The following CMC2 variants were observed in gnomAD, a reference collection of about 807,000 sequenced individuals.
CMC2 encodes the protein C-X9-C motif containing 2, also known as COX assembly mitochondrial protein 2 homolog.
Under a neutral mutation model 7.5 loss-of-function variants are expected in CMC2, and 5 were observed. The ratio of observed to expected loss-of-function variants is 0.66; its 90% CI spans 0.35 to 1.40. The LOEUF is 1.40. Among genes scored for constraint, CMC2 ranks in the 40% most tolerant of loss-of-function variants. The pLI is 0.04. For synonymous variants in CMC2, 37 were observed against 31.4 expected (o/e 1.18, Z -0.60); for missense variants, 115 against 92.3 (o/e 1.25, Z -1.01).
In CMC2 at chr16:80,981,863, T is replaced by A. The variant is rs1199654148; in HGVS notation, c.96A>T (p.Lys32Asn). The change falls in exon 3 of 4, where the codon AAA (lysine) becomes AAT (asparagine). Residue 32 changes from lysine to asparagine, a missense_variant. Coordinates refer to ENST00000219400, the MANE Select transcript of CMC2 (RefSeq NM_020188.5). The stretch of plus-strand genomic sequence containing the variant: ...CAACATCATTACAATAACCAAAAAA[T>A]TTCAGAATGTTGTGCTAAAAGGAAG... ...KECHKNHNIL[K>N]FFGYCNDVDR... 1 of 1,608,746 alleles carries A rather than the reference T, an allele frequency of 6.2e-7. No individual in the cohort carries two copies.
intron 3 of CMC2, 22 bp from the exon 4 acceptor site, chr16:80,976,201 G>A: frequency 2.9e-6 from 4 of 1,369,318 alleles, no homozygotes; most frequent in South Asian, 1.2e-5. Context: ...AAGAAGGGGG[G>A]GAGAAAAGAA....
chr16:80,979,172 T>G (rs1966912933), intron 3 of CMC2, among the ~76,000 whole-genome samples: 1 of 151,956 alleles, frequency 6.6e-6, no homozygotes, highest in Non-Finnish European at 1.5e-5. Flanking sequence ...AAGCAAGCAT[T>G]AAGAGTAGAG....
chr16:81,006,068 C>T (rs1019198162), intron 1 of CMC2, among the ~76,000 whole-genome samples: 3 of 152,108 alleles, frequency 2.0e-5, no homozygotes, highest in African/African-American at 7.2e-5. Flanking sequence ...CCTTTGCCAT[C>T]GAAAACTTCC....
chr16:80,992,614 T>C (rs1000567662), intron 2 of CMC2, among the ~76,000 whole-genome samples: 5 of 152,138 alleles, frequency 3.3e-5, no homozygotes, highest in African/African-American at 1.2e-4. Flanking sequence ...CATCTTCTCA[T>C]GTTTAAAGGC....
chr16:80,993,421 G>T (rs541770158), intron 2 of CMC2, among the ~76,000 whole-genome samples: 1 of 152,272 alleles, frequency 6.6e-6, no homozygotes, highest in Admixed American at 6.5e-5. Context: ...GGGGCAGCCG[G>T]AATTTGTGAG....
chr16:80,990,336 A>T (rs888496103), intron 2 of CMC2, among the ~76,000 whole-genome samples: 3 of 151,992 alleles, frequency 2.0e-5, no homozygotes, highest in African/African-American at 7.3e-5. Flanking sequence ...ACGCACAGCT[A>T]ATTTTTTATT....
At chr16:80,995,392 A>T (rs1968329128) in intron 2 of CMC2, among the ~76,000 whole-genome samples, 1 of 151,744 alleles carries the variant, frequency 6.6e-6, no homozygotes, top group South Asian at 2.1e-4. Context: ...GCAGTGGCTC[A>T]TGCCTGTAAT....
At position 80,986,554 on chromosome 16, in the gene CMC2, C is replaced by T. The variant is rs559655608; in HGVS notation, c.82-4677G>A. 8.0e-4 allele frequency among the ~76,000 whole-genome samples: 121 copies of T among 152,178 alleles called. 2 individuals carry two copies. In the South Asian group the frequency reaches 0.011, roughly 14 times the overall value. ...ATTTAAACAAAAAAGAAAACAAAAC[C>T]GCCAGGAGACCAGATAGAAGTCCTT... On this transcript the variant is annotated intron_variant, in intron 2 of 3. Coordinates refer to ENST00000219400, the MANE Select transcript of CMC2 (RefSeq NM_020188.5).
intron 2 of CMC2, among the ~76,000 whole-genome samples, chr16:80,995,530 G>A (rs144447927): frequency 0.014 from 2,107 of 151,934 alleles, 48 homozygotes; most frequent in African/African-American, 0.048. Context: ...GGTGGCGCAC[G>A]CCTGTAATCC....
chr16:80,983,147 T>C (rs1242101812), intron 2 of CMC2: 4 of 152,558 alleles, frequency 2.6e-5, no homozygotes, highest in African/African-American at 9.6e-5. Flanking sequence ...ATACAATATA[T>C]AATACATATA....
intron 2 of CMC2, chr16:80,983,686 C>T (rs1967304294): frequency 6.6e-6 from 1 of 152,196 alleles, no homozygotes; most frequent in South Asian, 2.1e-4. Context: ...CAAAATACAT[C>T]AAATAAGTAA....
At chr16:80,989,845 G>A (rs1013194477) in intron 2 of CMC2, among the ~76,000 whole-genome samples, 32 of 152,240 alleles carry the variant, frequency 2.1e-4, no homozygotes, top group African/African-American at 7.0e-4. Context: ...TCTACAATAT[G>A]TTTACTTATT....
intron 3 of CMC2, among the ~76,000 whole-genome samples, chr16:80,977,843 G>A (rs1225002717): frequency 1.3e-5 from 2 of 152,118 alleles, no homozygotes; most frequent in African/African-American, 4.8e-5. Context: ...AGGCTGAGGC[G>A]AGCAGATCAC....
intron 2 of CMC2, chr16:80,982,568 T>C (rs1967207901): frequency 6.8e-6 from 1 of 146,732 alleles, no homozygotes; most frequent in Non-Finnish European, 1.5e-5. Context: ...TGTCATTTAC[T>C]ACCATAAAAC....
Position 80,968,121 on chromosome 16 carries a change from C to CT in CMC2, c.*7971dup, listed in dbSNP as rs1911681220. 6.6e-6 allele frequency: 1 copy of CT among 152,186 alleles called. No individual in the cohort carries two copies. The highest frequency in any genetic ancestry group is 6.5e-5 in the Admixed American group (1 of 15,274). 9.4% of individuals were successfully genotyped at this position (152,186 alleles called of 1,614,324 possible). Reference sequence around the variant, plus strand: ...GGAAGGCAGTTACATCAGAAAGAGTCTAAGTCAATGCTTCTCCAATTTTTA... The same window carrying CT: ...GGAAGGCAGTTACATCAGAAAGAGTCTTAAGTCAATGCTTCTCCAATTTTTA... On this transcript the variant is annotated 3_prime_UTR_variant, in exon 4 of 4. Transcript: ENST00000219400.
intron 2 of CMC2, among the ~76,000 whole-genome samples, chr16:80,988,836 TTCTTA>T (rs1233993979): frequency 1.3e-5 from 2 of 152,140 alleles, no homozygotes; most frequent in Non-Finnish European, 2.9e-5. Context: ...AACAATATTT[TTCTTA>T]TCTTTAATCT....
chr16:80,978,590 C>A (rs757623853), intron 3 of CMC2, among the ~76,000 whole-genome samples: 30 of 151,896 alleles, frequency 2.0e-4, no homozygotes, highest in Non-Finnish European at 1.3e-4. Flanking sequence ...GAACAAAAGG[C>A]CAGGTGCAGT....
intron 2 of CMC2, chr16:80,982,514 GAAAAAAAAAA>G (rs758135840): frequency 8.8e-4 from 35 of 39,788 alleles, no homozygotes; most frequent in African/African-American, 3.2e-3. Context: ...TCCGTCTCAG[GAAAAAAAAAA>G]AAAAAAAAAA....
Position 80,971,552 on chromosome 16 carries a change from CATACATACATTTTATATATAT to C in CMC2, c.*4520_*4540del, listed in dbSNP as rs1406950614. On this transcript the variant is annotated 3_prime_UTR_variant, in exon 4 of 4. Transcript: ENST00000219400. ...AATAAAATATGGCTATGGATACTGA[CATACATACATTTTATATATAT>C]ATATATATATATGTATGAAATCATG... 4 of 108,566 alleles carry C rather than the reference CATACATACATTTTATATATAT, an allele frequency of 3.7e-5. No homozygotes were observed. The highest frequency in any genetic ancestry group is 7.0e-5 in the Non-Finnish European group (4 of 57,466). The allele number at this position is 108,566 out of a possible 1,614,324, so 6.7% of individuals were successfully genotyped here.
Sources: gnomAD v4.1 joint callset for allele counts (sites outside exome capture counted in the v4.1 genomes callset) on GRCh38, gnomAD v4.1.1 for gene constraint, MANE v1.5 for transcripts, NCBI Gene and HGNC (gene_info 2026-07-23, HGNC 2026-07-21) for gene names.